UBR1: variants seen among roughly 807,000 people sequenced by gnomAD.
The protein encoded by UBR1 is ubiquitin protein ligase E3 component n-recognin 1.
Under a neutral mutation model 242.1 loss-of-function variants are expected in UBR1, and 102 were observed. That is an observed-to-expected ratio of 0.42 (90% CI 0.36 to 0.50). The LOEUF is 0.50. Among genes scored for constraint, UBR1 ranks in the 20% least tolerant of loss-of-function variants. The probability of loss-of-function intolerance (pLI) is 0.01; values close to 1 mark genes in which losing one functional copy is unlikely to be tolerated. For missense variants in UBR1, 1,772 were observed against 2,101.8 expected, an observed-to-expected ratio of 0.84 and a Z score of 3.07; for synonymous variants, 675 against 684.8, an observed-to-expected ratio of 0.99 and a Z score of 0.22.
chr15:43,002,930 A>G (rs1187287454), intron 31 of UBR1, among the ~76,000 whole-genome samples: 1 of 152,234 alleles, frequency 6.6e-6, no homozygotes, highest in Non-Finnish European at 1.5e-5. Flanking sequence ...TAAATTTAAA[A>G]TAAGTTTATT....
rs2032296686 is a variant in UBR1 at position 42,976,791 on chromosome 15, G to A, written c.4295C>T (p.Ser1432Phe). 1 of 1,613,990 alleles carries A rather than the reference G, an allele frequency of 6.2e-7. No homozygotes were observed. The highest frequency in any genetic ancestry group is 1.3e-5 in the African/African-American group (1 of 74,916). ...VDLQPSSVSS[S>F]YNHLYLFHLI... ...ATGGAAGAGATAAAGGTGGTTATAG[G>A]AAGAACTAACTGAAGAAGGCTGCAG... Residue 1432 changes from serine (S) to phenylalanine (F), a missense_variant, in exon 39 of 47, where the codon TCC becomes TTC. Physicochemically the swap from Ser to Phe is radical, Grantham distance 155. This residue lies in a region of UBR1 where 965 missense variants were observed against 1,079.7 expected (regional missense o/e 0.89). Transcript: ENST00000290650.
At chr15:43,056,155 C>G (rs969412098) in intron 11 of UBR1, among the ~76,000 whole-genome samples, 189 bp downstream of exon 11, 2 of 152,214 alleles carry the variant, frequency 1.3e-5, no homozygotes, top group African/African-American at 4.8e-5. Context: ...TAGGTGTCAT[C>G]TGCATTGACG....
intron 15 of UBR1, among the ~76,000 whole-genome samples, chr15:43,039,855 C>T (rs2033392817): frequency 6.6e-6 from 1 of 152,076 alleles, no homozygotes; most frequent in African/African-American, 2.4e-5. Flanking sequence ...TATGTCCCAT[C>T]AATATCTAAT....
chr15:43,104,670 G>C (rs569270400), intron 1 of UBR1, among the ~76,000 whole-genome samples: 2 of 151,298 alleles, frequency 1.3e-5, no homozygotes, highest in Non-Finnish European at 2.9e-5. Context: ...CTCTGTTCTC[G>C]CATAAAACAA....
At chr15:42,953,977 G>A (rs952698684) in intron 44 of UBR1, among the ~76,000 whole-genome samples, 11 of 149,502 alleles carry the variant, frequency 7.4e-5, no homozygotes, top group African/African-American at 2.7e-4. Flanking sequence ...CAACCTCCTC[G>A]GCTCAAGTGA....
rs116404071 is a variant in UBR1 at position 43,101,491 on chromosome 15, C to A, written c.81+4451G>T. Among the ~76,000 whole-genome samples, 1,402 of 152,220 alleles carry A rather than the reference C, an allele frequency of 9.2e-3. 15 individuals carry two copies. Among genetic ancestry groups the A allele is most frequent in the African/African-American group, 0.032 (1,335 of 41,548 alleles). On this transcript the variant is annotated intron_variant, in intron 1 of 46. Coordinates refer to ENST00000290650, the MANE Select transcript of UBR1 (RefSeq NM_174916.3). The stretch of plus-strand genomic sequence containing the variant: ...AGGGACAACAAAACTCTTGATCTGC[C>A]TTTCTCCTTTCCTCTCCTAAAATCT...
chr15:42,956,479 C>G (rs948490125), intron 44 of UBR1, among the ~76,000 whole-genome samples: 18 of 152,226 alleles, frequency 1.2e-4, no homozygotes, highest in African/African-American at 3.9e-4. Flanking sequence ...ACCACCACAC[C>G]TGGCTAATTT....
chr15:43,012,226 CAAA>C (rs1454205296), intron 29 of UBR1, among the ~76,000 whole-genome samples: 3 of 82,452 alleles, frequency 3.6e-5, no homozygotes, highest in Non-Finnish European at 5.0e-5. Flanking sequence ...GATTCCGTCT[CAAA>C]AAAAAAAAAA....
chr15:43,078,151 A>G (rs1311873105), intron 3 of UBR1, among the ~76,000 whole-genome samples: 1 of 152,206 alleles, frequency 6.6e-6, no homozygotes, highest in Non-Finnish European at 1.5e-5. Flanking sequence ...CAAAAGAGAA[A>G]GCCCAATGCT....
At chr15:42,949,445 T>TAA (rs71108191) in intron 46 of UBR1, among the ~76,000 whole-genome samples, 69 of 149,864 alleles carry the variant, frequency 4.6e-4, no homozygotes, top group Admixed American at 1.8e-3. Flanking sequence ...TAAAATAAAA[T>TAA]AAAAAAAAAA....
intron 40 of UBR1, among the ~76,000 whole-genome samples, chr15:42,968,838 G>T (rs541014573): frequency 2.6e-5 from 4 of 152,074 alleles, no homozygotes; most frequent in South Asian, 4.2e-4. Context: ...CCCTGCAAAA[G>T]ACATGAACTC....
intron 42 of UBR1, among the ~76,000 whole-genome samples, chr15:42,960,922 G>A (rs946422469): frequency 6.6e-6 from 1 of 151,690 alleles, no homozygotes; most frequent in Non-Finnish European, 1.5e-5. Flanking sequence ...CACCACACCT[G>A]GTTAGCTTTT....
At chr15:43,076,154 T>A (rs2141351080) in intron 3 of UBR1, among the ~76,000 whole-genome samples, 1 of 151,594 alleles carries the variant, frequency 6.6e-6, no homozygotes, top group Non-Finnish European at 1.5e-5. Context: ...TTCGTTTTTT[T>A]TTTTTTTGGT....
At chr15:43,083,109 T>C (rs2033991513) in intron 2 of UBR1, among the ~76,000 whole-genome samples, 1 of 152,230 alleles carries the variant, frequency 6.6e-6, no homozygotes, top group African/African-American at 2.4e-5. Context: ...TTGCTCATTG[T>C]TAAATGAGGC....
intron 1 of UBR1, among the ~76,000 whole-genome samples, chr15:43,089,058 A>G (rs1054627317): frequency 1.3e-5 from 2 of 151,600 alleles, no homozygotes; most frequent in African/African-American, 4.8e-5. Flanking sequence ...GCTACTCAGG[A>G]GTCTGAGGCA....
At chr15:43,077,675 AAT>A (rs1052439268) in intron 3 of UBR1, among the ~76,000 whole-genome samples, 1 of 151,548 alleles carries the variant, frequency 6.6e-6, no homozygotes, top group African/African-American at 2.4e-5. Flanking sequence ...GAAAAAAAAA[AAT>A]AAAAATAAAA....
At chr15:43,007,496 AAAAAAC>A (rs2032851043) in intron 29 of UBR1, among the ~76,000 whole-genome samples, 1 of 152,070 alleles carries the variant, frequency 6.6e-6, no homozygotes. Context: ...TGCTAAGTGC[AAAAAAC>A]AGATGATAAA....
intron 30 of UBR1, among the ~76,000 whole-genome samples, chr15:43,006,485 G>T (rs964871275): frequency 6.6e-6 from 1 of 152,172 alleles, no homozygotes; most frequent in African/African-American, 2.4e-5. Context: ...GCCTAGGCTG[G>T]TCTCAAACTC....
intron 46 of UBR1, among the ~76,000 whole-genome samples, chr15:42,946,814 G>A (rs1344963523): frequency 6.6e-6 from 1 of 152,102 alleles, no homozygotes; most frequent in Non-Finnish European, 1.5e-5. Context: ...TAAATATTTT[G>A]TTAATGCTCA....
Sources: allele counts gnomAD v4.1 joint callset (sites outside exome capture counted in the v4.1 genomes callset), GRCh38; gene constraint gnomAD v4.1.1; regional missense constraint gnomAD v4.1.1; transcripts MANE v1.5; gene names NCBI Gene and HGNC (gene_info 2026-07-23, HGNC 2026-07-21).